Variants in TOP6BL observed in about 807,000 individuals in gnomAD.
TOP6BL encodes the protein type 2 DNA topoisomerase 6 subunit B-like.
the TOP6BL span, among the ~76,000 whole-genome samples, chr11:66,767,412 A>G: frequency 6.6e-6 from 1 of 152,138 alleles, no homozygotes; most frequent in Admixed American, 6.6e-5. Flanking sequence ...TCCTTATTCA[A>G]GTGAGGAAAG....
the TOP6BL span, among the ~76,000 whole-genome samples, chr11:66,830,076 A>G: frequency 6.6e-6 from 1 of 152,226 alleles, no homozygotes; most frequent in South Asian, 2.1e-4. Flanking sequence ...ATTTATAAAA[A>G]CACTCTGTTC....
At chr11:66,816,070 G>T in the TOP6BL span, 9 of 1,602,368 alleles carry the variant, frequency 5.6e-6, no homozygotes, top group Non-Finnish European at 7.7e-6. Context: ...GCTTCCAGAT[G>T]TGAGTTATCA....
the TOP6BL span, among the ~76,000 whole-genome samples, chr11:66,779,224 G>T: frequency 4.6e-5 from 7 of 152,076 alleles, no homozygotes; most frequent in Admixed American, 4.6e-4. Context: ...GAGTGAACAG[G>T]CAACCTACAG....
the TOP6BL span, among the ~76,000 whole-genome samples, chr11:66,801,847 A>T: frequency 1.3e-5 from 2 of 152,202 alleles, no homozygotes; most frequent in East Asian, 3.9e-4. Flanking sequence ...ATAAATAAAT[A>T]AAAAATGTAA....
chr11:66,764,026 T>TTA, the TOP6BL span, among the ~76,000 whole-genome samples: 1 of 152,328 alleles, frequency 6.6e-6, no homozygotes, highest in East Asian at 1.9e-4. Context: ...TGTGCTCCAC[T>TTA]TAAAGGTAGT....
At chr11:66,810,073 TTATGTA>T in the TOP6BL span, among the ~76,000 whole-genome samples, 35 of 152,260 alleles carry the variant, frequency 2.3e-4, no homozygotes, top group African/African-American at 7.5e-4. Context: ...ATAAGACACA[TTATGTA>T]TAGAGGAACA....
the TOP6BL span, among the ~76,000 whole-genome samples, chr11:66,777,620 G>T: frequency 6.6e-6 from 1 of 152,128 alleles, no homozygotes; most frequent in Non-Finnish European, 1.5e-5. Flanking sequence ...GCCAGGCGTG[G>T]TGGCTCATAC....
At chr11:66,778,876 G>C in the TOP6BL span, among the ~76,000 whole-genome samples, 1 of 152,156 alleles carries the variant, frequency 6.6e-6, no homozygotes, top group Non-Finnish European at 1.5e-5. Context: ...ACAACTATCT[G>C]ATCTTTGACA....
chr11:66,749,907 A>G, the TOP6BL span, among the ~76,000 whole-genome samples: 7 of 152,126 alleles, frequency 4.6e-5, no homozygotes, highest in African/African-American at 1.4e-4. Flanking sequence ...TGGGTAGGAA[A>G]CGTGGTGATA....
chr11:66,801,184 C>A, the TOP6BL span: 1 of 1,438,640 alleles, frequency 7.0e-7, no homozygotes, highest in Non-Finnish European at 9.7e-7. Flanking sequence ...TGGAAATTGT[C>A]TCACTTGTCA....
At chr11:66,825,255 G>A in the TOP6BL span, among the ~76,000 whole-genome samples, 1 of 149,776 alleles carries the variant, frequency 6.7e-6, no homozygotes. Flanking sequence ...AAGGTGGGTG[G>A]ATCACCTGAG....
the TOP6BL span, among the ~76,000 whole-genome samples, chr11:66,768,663 TTTTTG>T: frequency 2.0e-5 from 3 of 151,288 alleles, no homozygotes; most frequent in African/African-American, 7.3e-5. Flanking sequence ...AGATTTTTGT[TTTTTG>T]TTTTTTTTTT....
At chr11:66,755,576 G>T in the TOP6BL span, among the ~76,000 whole-genome samples, 30 of 152,346 alleles carry the variant, frequency 2.0e-4, no homozygotes, top group African/African-American at 7.0e-4. Context: ...TTACCTGGAA[G>T]TGTGCAGTGG....
the TOP6BL span, among the ~76,000 whole-genome samples, chr11:66,752,274 C>A: frequency 6.6e-6 from 1 of 151,856 alleles, no homozygotes; most frequent in Non-Finnish European, 1.5e-5. Flanking sequence ...TCCACGTATA[C>A]CTAATTGATA....
At chr11:66,816,702 C>T in the TOP6BL span, among the ~76,000 whole-genome samples, 2 of 152,226 alleles carry the variant, frequency 1.3e-5, no homozygotes, top group African/African-American at 2.4e-5. Context: ...GCTGGGCCTA[C>T]AGATGCATGC....
At chr11:66,831,743 C>T in the TOP6BL span, among the ~76,000 whole-genome samples, 1 of 152,044 alleles carries the variant, frequency 6.6e-6, no homozygotes, top group East Asian at 1.9e-4. Context: ...CGCCTGTAAT[C>T]CCAGCACTTT....
At chr11:66,803,982 T>C in the TOP6BL span, 44 of 1,579,038 alleles carry the variant, frequency 2.8e-5, no homozygotes, top group African/African-American at 4.5e-4. Flanking sequence ...TTGACTTGTC[T>C]GTTTTCTGAC....
chr11:66,786,937 G>GTT, the TOP6BL span, among the ~76,000 whole-genome samples: 257 of 143,758 alleles, frequency 1.8e-3, 8 homozygotes, highest in East Asian at 0.032. Flanking sequence ...TTTTTGTTTT[G>GTT]TTTTTTTTTT....
the TOP6BL span, among the ~76,000 whole-genome samples, chr11:66,769,449 A>T: frequency 7.3e-6 from 1 of 137,136 alleles, no homozygotes; most frequent in Non-Finnish European, 1.5e-5. Flanking sequence ...AATTATACCT[A>T]AAAAAAAAAA....
Sources: allele counts gnomAD v4.1 joint callset (sites outside exome capture counted in the v4.1 genomes callset), GRCh38; gene constraint gnomAD v4.1.1; transcripts MANE v1.5; gene names NCBI Gene and HGNC (gene_info 2026-07-23, HGNC 2026-07-21).